The following CADM2 variants were observed in gnomAD, a reference collection of about 807,000 sequenced individuals.
The protein encoded by CADM2 is cell adhesion molecule 2.
CADM2 carries 12 observed loss-of-function variants against 49.8 expected under a neutral mutation model. The observed-to-expected ratio is 0.24, with a 90% confidence interval of 0.15 to 0.39. The LOEUF is 0.39. Among genes scored for constraint, CADM2 ranks in the 10% least tolerant of loss-of-function variants. The pLI, the probability that CADM2 is intolerant of heterozygous loss-of-function variation, is 1.00. For synonymous variants in CADM2, 214 were observed against 175.4 expected (o/e 1.22, Z -1.74); for missense variants, 378 against 492.3 (o/e 0.77, Z 2.20).
At chr3:85,564,657 G>A (rs2062202211) in intron 1 of CADM2, among the ~76,000 whole-genome samples, 1 of 151,874 alleles carries the variant, frequency 6.6e-6, no homozygotes, top group African/African-American at 2.4e-5. Context: ...ATTTTAACAT[G>A]CATACTTATT....
At chr3:85,836,760 G>T (rs940915667) in intron 3 of CADM2, among the ~76,000 whole-genome samples, 3 of 151,502 alleles carry the variant, frequency 2.0e-5, no homozygotes, top group South Asian at 2.1e-4. Flanking sequence ...AAAGCTCTCT[G>T]CCTCTTACAT....
At chr3:85,529,322 G>T (rs2061242675) in intron 1 of CADM2, among the ~76,000 whole-genome samples, 1 of 152,144 alleles carries the variant, frequency 6.6e-6, no homozygotes, top group Non-Finnish European at 1.5e-5. Context: ...TCATGCTTCT[G>T]TGGCTTTCCC....
intron 1 of CADM2, among the ~76,000 whole-genome samples, chr3:85,674,759 G>A (rs1317899000): frequency 1.3e-5 from 2 of 152,018 alleles, no homozygotes; most frequent in Non-Finnish European, 2.9e-5. Flanking sequence ...CTGAAAAGTT[G>A]ATCATAAAAT....
At chr3:85,696,322 A>G (rs1390711632) in intron 1 of CADM2, among the ~76,000 whole-genome samples, 2 of 151,958 alleles carry the variant, frequency 1.3e-5, no homozygotes. Context: ...TTGTGTTCCT[A>G]GTTAGAATTT....
intron 1 of CADM2, among the ~76,000 whole-genome samples, chr3:85,398,088 G>A (rs1356330581): frequency 1.3e-5 from 2 of 151,914 alleles, no homozygotes; most frequent in African/African-American, 4.8e-5. Context: ...CATGTGCCAT[G>A]TTGGTGTGCT....
intron 1 of CADM2, among the ~76,000 whole-genome samples, chr3:85,052,853 G>C (rs916380281): frequency 9.2e-5 from 14 of 151,848 alleles, no homozygotes; most frequent in African/African-American, 3.1e-4. Context: ...ACATTTTTCA[G>C]ACATGAAAAA....
intron 5 of CADM2, among the ~76,000 whole-genome samples, chr3:85,911,987 G>A (rs2108480293): frequency 6.6e-6 from 1 of 150,592 alleles, no homozygotes; most frequent in South Asian, 2.1e-4. Flanking sequence ...TGTCACTCAG[G>A]CTGGAGTGCA....
rs375552694 is a variant in CADM2 at position 85,728,441 on chromosome 3, A to G, written c.88+1893A>G. On this transcript the variant is annotated intron_variant, in intron 2 of 9. Transcript: ENST00000383699. Reference sequence around the variant, plus strand: ...GGAAACTGAAATTTTATTTCTAACCATTGCTGAAGAAAGATATATATTATG... The same window carrying G: ...GGAAACTGAAATTTTATTTCTAACCGTTGCTGAAGAAAGATATATATTATG... Among the ~76,000 whole-genome samples the G allele has an allele frequency of 4.6e-5, 7 of 152,292 alleles. No homozygotes were observed. The South Asian group carries it at 1.2e-3, about 27-fold the overall frequency.
intron 1 of CADM2, among the ~76,000 whole-genome samples, chr3:85,654,856 A>G (rs2065149500): frequency 6.6e-6 from 1 of 152,208 alleles, no homozygotes; most frequent in South Asian, 2.1e-4. Flanking sequence ...CATTGACCAC[A>G]ATACTTTAAA....
At chr3:85,562,990 C>T (rs564792397) in intron 1 of CADM2, among the ~76,000 whole-genome samples, 10 of 152,250 alleles carry the variant, frequency 6.6e-5, no homozygotes, top group African/African-American at 2.4e-4. Context: ...GATCACAGCA[C>T]CATACTGTAA....
intron 8 of CADM2, among the ~76,000 whole-genome samples, chr3:85,986,235 A>G (rs562061902): frequency 6.6e-6 from 1 of 152,192 alleles, no homozygotes; most frequent in East Asian, 1.9e-4. Context: ...AACAGAATAC[A>G]AAGAAATAAA....
intron 8 of CADM2, among the ~76,000 whole-genome samples, chr3:86,056,527 A>G (rs570789277): frequency 6.6e-6 from 1 of 152,346 alleles, no homozygotes; most frequent in South Asian, 2.1e-4. Flanking sequence ...TTATTGTGAA[A>G]TAATTAGGAT....
At chr3:85,706,866 C>T (rs1367709056) in intron 1 of CADM2, among the ~76,000 whole-genome samples, 1 of 152,050 alleles carries the variant, frequency 6.6e-6, no homozygotes, top group Non-Finnish European at 1.5e-5. Flanking sequence ...AATAATTGTC[C>T]TATCCAATAT....
At chr3:85,877,152 T>C (rs952608703) in intron 3 of CADM2, among the ~76,000 whole-genome samples, 51 of 152,250 alleles carry the variant, frequency 3.3e-4, no homozygotes, top group African/African-American at 1.2e-3. Context: ...TAATGGCTGT[T>C]AGGGCATGAC....
At chr3:85,894,952 C>T (rs904103554) in intron 5 of CADM2, among the ~76,000 whole-genome samples, 2 of 152,216 alleles carry the variant, frequency 1.3e-5, no homozygotes, top group Non-Finnish European at 2.9e-5. Context: ...GGGCAGGGCC[C>T]TCATGGAGAA....
intron 8 of CADM2, chr3:86,014,445 G>A: frequency 6.7e-7 from 1 of 1,495,088 alleles, no homozygotes; most frequent in South Asian, 1.4e-5. Flanking sequence ...ATTTTGGTTT[G>A]AGGAAGCCAC....
intron 1 of CADM2, among the ~76,000 whole-genome samples, chr3:85,535,811 A>C (rs1392639631): frequency 6.6e-6 from 1 of 152,114 alleles, no homozygotes; most frequent in African/African-American, 2.4e-5. Context: ...AAGCCACTGA[A>C]GGGAAATTAG....
intron 1 of CADM2, among the ~76,000 whole-genome samples, chr3:85,223,470 A>G (rs2042084107): frequency 6.6e-6 from 1 of 152,208 alleles, no homozygotes; most frequent in Non-Finnish European, 1.5e-5. Context: ...GTTTGCCTAA[A>G]TAACAGATAA....
At chr3:85,656,467 T>G (rs2065199864) in intron 1 of CADM2, among the ~76,000 whole-genome samples, 1 of 151,812 alleles carries the variant, frequency 6.6e-6, no homozygotes, top group Non-Finnish European at 1.5e-5. Flanking sequence ...ATACAAAAGA[T>G]TATCCAGGAG....
Sources: allele counts gnomAD v4.1 joint callset (sites outside exome capture counted in the v4.1 genomes callset), GRCh38; gene constraint gnomAD v4.1.1; transcripts MANE v1.5; gene names NCBI Gene and HGNC (gene_info 2026-07-23, HGNC 2026-07-21).